The following SERINC3 variants were observed in gnomAD, a reference collection of about 807,000 sequenced individuals.
SERINC3 encodes the protein serine incorporator 3.
In SERINC3, 22 loss-of-function variants were observed where a neutral mutation model predicts 52.1. The ratio of observed to expected loss-of-function variants is 0.42; its 90% confidence interval spans 0.30 to 0.60. The LOEUF is 0.60. Ranked by LOEUF, SERINC3 falls within the 20% of genes least tolerant of loss-of-function variation. The probability of loss-of-function intolerance (pLI) is 0.16; values close to 1 mark genes in which losing one functional copy is unlikely to be tolerated. For missense variants in SERINC3, 564 were observed against 584.6 expected (o/e 0.96, Z 0.36); for synonymous variants, 226 against 212.7 (o/e 1.06, Z -0.54).
chr20:44,513,569 G>A (rs995983317), intron 2 of SERINC3, among the ~76,000 whole-genome samples: 1 of 152,162 alleles, frequency 6.6e-6, no homozygotes, highest in African/African-American at 2.4e-5. Flanking sequence ...AGCTACGACT[G>A]AGTCCTTCCA....
chr20:44,512,666 G>C (rs1200989508), intron 3 of SERINC3, 135 bp downstream of exon 3: 1 of 639,084 alleles, frequency 1.6e-6, no homozygotes, highest in Non-Finnish European at 2.5e-6. Flanking sequence ...AATTTCACAT[G>C]CATAATAGAT....
At chr20:44,507,122 A>G (rs2064319931) in intron 5 of SERINC3, 126 bp from the exon 6 acceptor site, 1 of 643,720 alleles carries the variant, frequency 1.6e-6, no homozygotes, top group Non-Finnish European at 2.4e-6. Flanking sequence ...ATTTACAGTA[A>G]AATTACAGAG....
At chr20:44,500,537 T>C (rs1009013297) in intron 9 of SERINC3, 103 bp from the exon 10 acceptor site, 9 of 1,368,886 alleles carry the variant, frequency 6.6e-6, no homozygotes, top group Non-Finnish European at 8.1e-6. Context: ...CCAGTGAAAC[T>C]TGGCTGGCAC....
At chr20:44,515,328 T>C (rs1011790226) in intron 1 of SERINC3, among the ~76,000 whole-genome samples, 5 of 152,190 alleles carry the variant, frequency 3.3e-5, no homozygotes, top group Non-Finnish European at 7.3e-5. Context: ...CACTCCAGCC[T>C]GGGCAACAGA....
chr20:44,508,967 A>G (rs1290692874), intron 5 of SERINC3, among the ~76,000 whole-genome samples: 1 of 152,238 alleles, frequency 6.6e-6, no homozygotes, highest in East Asian at 1.9e-4. Context: ...TTAAAAAACT[A>G]AATCAAATGA....
At chr20:44,505,767 A>C (rs1157559375) in intron 6 of SERINC3, among the ~76,000 whole-genome samples, 1 of 144,520 alleles carries the variant, frequency 6.9e-6, no homozygotes, top group Non-Finnish European at 1.5e-5. Flanking sequence ...CGCCTAGCTA[A>C]TTTTGTATTT....
At chr20:44,511,437 T>C (rs750631812) in intron 3 of SERINC3, 69 bp from the exon 4 acceptor site, 49 of 976,662 alleles carry the variant, frequency 5.0e-5, no homozygotes, top group Non-Finnish European at 7.2e-5. Context: ...AATTCATTTC[T>C]GAAATGCAAA....
At chr20:44,514,100 G>A in intron 1 of SERINC3, 60 bp from the exon 2 acceptor site, 13 of 1,525,116 alleles carry the variant, frequency 8.5e-6, no homozygotes, top group Non-Finnish European at 1.1e-5. Context: ...TTATGACACA[G>A]ATGTCGCAGA....
intron 5 of SERINC3, among the ~76,000 whole-genome samples, chr20:44,507,423 T>C (rs1373247900): frequency 6.6e-6 from 1 of 152,242 alleles, no homozygotes; most frequent in Non-Finnish European, 1.5e-5. Context: ...CACTGGTATC[T>C]TTTTATGACA....
intron 5 of SERINC3, among the ~76,000 whole-genome samples, chr20:44,509,628 C>A (rs955098800): frequency 2.6e-5 from 4 of 151,986 alleles, no homozygotes; most frequent in African/African-American, 9.7e-5. Context: ...TCCTGGATTC[C>A]AGAGATTCTC....
intron 5 of SERINC3, among the ~76,000 whole-genome samples, chr20:44,509,532 T>C (rs766962719): frequency 5.3e-5 from 8 of 152,114 alleles, no homozygotes; most frequent in Non-Finnish European, 1.0e-4. Flanking sequence ...TTATTTAATG[T>C]TATTATTATT....
rs979995941 is a variant in SERINC3 at position 44,508,142 on chromosome 20, T to C, written c.614-1146A>G. On this transcript the variant is annotated intron_variant, in intron 5 of 9. Coordinates refer to ENST00000342374, the MANE Select transcript of SERINC3 (RefSeq NM_006811.4). Reference sequence around the variant, plus strand: ...CTTAGTTACTGTAAAGTATGACCAATTTGCAACTCAATAAATTCTTCTAGA... The same window carrying C: ...CTTAGTTACTGTAAAGTATGACCAACTTGCAACTCAATAAATTCTTCTAGA... Among the ~76,000 whole-genome samples the C allele has an allele frequency of 2.1e-4, 32 of 152,188 alleles. 1 individual carries two copies. Among genetic ancestry groups the C allele is most frequent in the African/African-American group, 7.5e-4 (31 of 41,448 alleles).
intron 1 of SERINC3, among the ~76,000 whole-genome samples, chr20:44,516,825 C>T (rs573510753): frequency 5.5e-4 from 84 of 152,252 alleles, no homozygotes; most frequent in Non-Finnish European, 9.4e-4. Context: ...CTCCTGAGTA[C>T]AAGCAAGCAC....
intron 6 of SERINC3, among the ~76,000 whole-genome samples, chr20:44,505,457 G>A (rs2052692934): frequency 0.015 from 1 of 68 alleles, no homozygotes; most frequent in Non-Finnish European, 0.033. Flanking sequence ...GAGTAGCTGG[G>A]ATTACAGTGC....
intron 5 of SERINC3, among the ~76,000 whole-genome samples, chr20:44,507,621 A>G (rs2064322854): frequency 6.6e-6 from 1 of 152,250 alleles, no homozygotes; most frequent in African/African-American, 2.4e-5. Flanking sequence ...CTGTAATCCC[A>G]GCACTTTGGG....
chr20:44,499,564 C>T lies in SERINC3; in HGVS notation c.*732G>A, dbSNP rs899805574. 5.9e-5 allele frequency: 9 copies of T among 152,330 alleles called. No individual in the cohort carries two copies. Among genetic ancestry groups the T allele is most frequent in the African/African-American group, 1.7e-4 (7 of 41,464 alleles). The allele number at this position is 152,330 out of a possible 1,614,324, so 9.4% of individuals were successfully genotyped here. A position where few individuals can be genotyped will look rare whatever the true frequency, so the allele number is the denominator to read the frequency against. Reference sequence around the variant, plus strand: ...GCATTTTACTTTTACATACTCATAACAAGATAGTAACACAGACTAAAGCTG... The same window carrying T: ...GCATTTTACTTTTACATACTCATAATAAGATAGTAACACAGACTAAAGCTG... On this transcript the variant is annotated 3_prime_UTR_variant, in exon 10 of 10. Transcript: ENST00000342374.
intron 1 of SERINC3, among the ~76,000 whole-genome samples, chr20:44,517,349 T>C (rs1198403195): frequency 6.6e-6 from 1 of 152,222 alleles, no homozygotes; most frequent in Non-Finnish European, 1.5e-5. Flanking sequence ...CCTCCACAAA[T>C]TCTTATGTTG....
At chr20:44,515,453 A>G (rs1303657311) in intron 1 of SERINC3, among the ~76,000 whole-genome samples, 1 of 152,222 alleles carries the variant, frequency 6.6e-6, no homozygotes, top group African/African-American at 2.4e-5. Context: ...GCCAGACATG[A>G]AAGGTCACAT....
rs2064338075 is a variant in SERINC3, at chr20:44,510,110, TAAAAC to T, written c.476-87_476-83del. 2.9e-6 allele frequency: 4 copies of T among 1,364,150 alleles called. 1 individual carries two copies. In the Admixed American group the frequency reaches 7.3e-5, roughly 25 times the overall value. The allele number at this position is 1,364,150 out of a possible 1,614,324, so 84.5% of individuals were successfully genotyped here. The stretch of plus-strand genomic sequence containing the variant: ...TCCAACATTCTGAACGGATTTCAAT[TAAAAC>T]AAGACAGAGGTGGTAAAGACATTCT... On this transcript the variant is annotated intron_variant, in intron 4 of 9. Coordinates refer to ENST00000342374, the MANE Select transcript of SERINC3 (RefSeq NM_006811.4).
Sources: allele counts gnomAD v4.1 joint callset (sites outside exome capture counted in the v4.1 genomes callset), GRCh38; gene constraint gnomAD v4.1.1; transcripts MANE v1.5; gene names NCBI Gene and HGNC (gene_info 2026-07-23, HGNC 2026-07-21).